Variants in PATJ observed in about 807,000 individuals in gnomAD.
The protein encoded by PATJ is PATJ crumbs cell polarity complex component.
In PATJ, 190 loss-of-function variants were observed where a neutral mutation model predicts 224.9. That is an observed-to-expected ratio of 0.84 (90% CI 0.75 to 0.95). PATJ has a LOEUF of 0.95. PATJ is among the 40% of genes least tolerant of loss of function. The pLI is 0.00. For synonymous variants in PATJ, 769 were observed against 820.3 expected (o/e 0.94, Z 1.07); for missense variants, 2,121 against 2,270.3 (o/e 0.93, Z 1.34).
chr1:61,867,157 A>C (rs1263002248), intron 20 of PATJ, among the ~76,000 whole-genome samples: 1 of 152,202 alleles, frequency 6.6e-6, no homozygotes, highest in Non-Finnish European at 1.5e-5. Flanking sequence ...CTGGAAATGC[A>C]GCCCAGTAGG....
intron 31 of PATJ, among the ~76,000 whole-genome samples, chr1:62,075,358 G>A (rs1330784792): frequency 6.6e-6 from 1 of 152,132 alleles, no homozygotes; most frequent in Non-Finnish European, 1.5e-5. Context: ...GTTCTAAAAG[G>A]ACATAAAAGC....
chr1:61,997,992 ATATATAATATATTATATATATTAAT>A (rs1474306197), intron 28 of PATJ, among the ~76,000 whole-genome samples: 1 of 106,794 alleles, frequency 9.4e-6, no homozygotes, highest in East Asian at 2.2e-4. Flanking sequence ...TTATATATGT[ATATATAATATATTATATATATTAAT>A]TATATATAAT....
chr1:62,160,998 G>A lies in PATJ; in HGVS notation c.5593G>A (p.Ala1865Thr), dbSNP rs952176326. Reference sequence around the variant, plus strand: ...CCTGGAAGGTGTTACTCATGAGCAAGCAGTCGCCATTCTAAAACACCAGAG... The same window carrying A: ...CCTGGAAGGTGTTACTCATGAGCAAACAGTCGCCATTCTAAAACACCAGAG... ...ETLEGVTHEQAVAILKHQRGT... is the reference protein window; with the variant it reads ...ETLEGVTHEQTVAILKHQRGT... Residue 1865 changes from alanine (A) to threonine (T), a missense_variant, in exon 44 of 44, where the codon GCA (alanine) becomes ACA (threonine). Coordinates refer to ENST00000642238, the MANE Select transcript of PATJ (RefSeq NM_001350145.3). The A allele has an allele frequency of 3.9e-5, 62 of 1,610,276 alleles. No individual in the cohort carries two copies. The highest frequency in any genetic ancestry group is 2.0e-4 in the Admixed American group (12 of 59,202).
At chr1:61,964,898 G>A (rs1431436041) in intron 27 of PATJ, among the ~76,000 whole-genome samples, 2 of 151,562 alleles carry the variant, frequency 1.3e-5, no homozygotes, top group Non-Finnish European at 2.9e-5. Context: ...GAACACATGG[G>A]GTCAGGAGTT....
chr1:62,120,580 G>A (rs542914483), intron 37 of PATJ, among the ~76,000 whole-genome samples: 1 of 152,160 alleles, frequency 6.6e-6, no homozygotes, highest in African/African-American at 2.4e-5. Context: ...ATGAATAAAG[G>A]GACAGGTAAT....
At position 61,781,537 on chromosome 1, in the gene PATJ, C is replaced by G. The variant is rs541460024; in HGVS notation, c.849+6203C>G. 3.3e-5 allele frequency among the ~76,000 whole-genome samples: 5 copies of G among 152,354 alleles called. 1 individual carries two copies. The highest frequency in any genetic ancestry group is 1.2e-4 in the African/African-American group (5 of 41,584). On this transcript the variant is annotated intron_variant, in intron 7 of 43. Coordinates refer to ENST00000642238, the MANE Select transcript of PATJ (RefSeq NM_001350145.3). The stretch of plus-strand genomic sequence containing the variant: ...GCACAAGATGTGGTATACACCCTCC[C>G]TATTATCTACCTTTGGAGAAATTCT...
rs1674117557 is a variant in PATJ at position 61,920,428 on chromosome 1, C to T, written c.3570+5764C>T. Among the ~76,000 whole-genome samples the T allele has an allele frequency of 3.9e-5, 6 of 152,140 alleles. No individual in the cohort carries two copies. In the South Asian group the frequency reaches 1.2e-3, roughly 32 times the overall value. The stretch of plus-strand genomic sequence containing the variant: ...CTCTCTCTTTGCCTGCCACCATCCA[C>T]ATAAGAGGTGACTTGCTCCTCCTTG... On this transcript the variant is annotated intron_variant, in intron 26 of 43. Transcript: ENST00000642238.
chr1:61,824,247 T>G (rs75646213), intron 15 of PATJ, among the ~76,000 whole-genome samples: 1 of 134,248 alleles, frequency 7.4e-6, no homozygotes, highest in Non-Finnish European at 1.6e-5. Flanking sequence ...TTTTTTTTTT[T>G]CGAGACGGGG....
chr1:61,918,978 A>T (rs1673876625), intron 26 of PATJ, among the ~76,000 whole-genome samples: 2 of 152,176 alleles, frequency 1.3e-5, no homozygotes, highest in South Asian at 2.1e-4. Context: ...TTAAAAAGTA[A>T]AAAATAAAAT....
intron 1 of PATJ, among the ~76,000 whole-genome samples, chr1:61,762,226 A>G (rs1459953891): frequency 6.6e-6 from 1 of 152,184 alleles, no homozygotes; most frequent in Non-Finnish European, 1.5e-5. Context: ...CTATAATTGT[A>G]GATTAGTTTT....
intron 16 of PATJ, among the ~76,000 whole-genome samples, chr1:61,832,466 G>A (rs1453534267): frequency 6.6e-6 from 1 of 152,060 alleles, no homozygotes; most frequent in Non-Finnish European, 1.5e-5. Flanking sequence ...AAAATTATGT[G>A]TGTAGAGATG....
Position 61,833,652 on chromosome 1 carries a change from A to T in PATJ, c.1981-2A>T, listed in dbSNP as rs1659705441. On this transcript the variant is annotated splice_acceptor_variant, in intron 16 of 43. Coordinates refer to ENST00000642238, the MANE Select transcript of PATJ (RefSeq NM_001350145.3). LOFTEE classifies it high-confidence loss of function. ...AAGCATTTATCTTCTTTGGTATTTC[A>T]GGTTGACCACAATATGGATGTCAAT... 6.2e-7 allele frequency: 1 copy of T among 1,604,334 alleles called. No individual in the cohort carries two copies.
intron 17 of PATJ, among the ~76,000 whole-genome samples, chr1:61,836,819 G>A (rs901866692): frequency 6.6e-6 from 1 of 152,210 alleles, no homozygotes; most frequent in Admixed American, 6.5e-5. Context: ...TGTCCTGTAT[G>A]AATTTATTAG....
At chr1:61,857,473 G>A (rs1213384754) in intron 18 of PATJ, among the ~76,000 whole-genome samples, 3 of 152,164 alleles carry the variant, frequency 2.0e-5, no homozygotes, top group Non-Finnish European at 4.4e-5. Flanking sequence ...TGTGCTCTTA[G>A]CCACAGTGCT....
intron 7 of PATJ, among the ~76,000 whole-genome samples, chr1:61,782,603 G>A (rs1402269129): frequency 1.3e-5 from 2 of 152,172 alleles, no homozygotes; most frequent in East Asian, 1.9e-4. Flanking sequence ...AGAAACATTT[G>A]TTGAGATCTA....
At position 62,108,489 on chromosome 1, in the gene PATJ, G is replaced by A. The variant is rs1278677578; in HGVS notation, c.4430G>A (p.Gly1477Glu). ...VYEEGAAARD[G>E]RLWAGDQILE... The stretch of plus-strand genomic sequence containing the variant: ...GAAGAAGGGGCAGCAGCCAGAGATG[G>A]AAGACTTTGGGCTGGTGACCAGATA... The change falls in exon 34 of 44, where the codon GGA becomes GAA. Residue 1477 changes from glycine (G) to glutamate (E), a missense_variant. Gly to Glu is a moderately conservative substitution (Grantham distance 98, BLOSUM62 -2). Transcript: ENST00000642238. The A allele has an allele frequency of 3.1e-6, 5 of 1,609,806 alleles. No individual in the cohort carries two copies. Among genetic ancestry groups the A allele is most frequent in the Non-Finnish European group, 4.2e-6 (5 of 1,176,804 alleles).
intron 17 of PATJ, among the ~76,000 whole-genome samples, chr1:61,851,185 C>G (rs988550789): frequency 4.6e-5 from 7 of 152,122 alleles, no homozygotes; most frequent in Admixed American, 2.0e-4. Flanking sequence ...GAAAATGCAA[C>G]AAGCTGTGGA....
intron 11 of PATJ, among the ~76,000 whole-genome samples, chr1:61,799,900 A>G (rs1363740067): frequency 6.6e-6 from 1 of 152,196 alleles, no homozygotes; most frequent in East Asian, 1.9e-4. Flanking sequence ...CATTCTTTTT[A>G]TGCCTGTATA....
At chr1:61,810,226 T>A (rs61770137) in intron 14 of PATJ, among the ~76,000 whole-genome samples, 2 of 151,896 alleles carry the variant, frequency 1.3e-5, no homozygotes, top group Non-Finnish European at 2.9e-5. Context: ...GTCACTTCAT[T>A]GTTGTGACTG....
Sources: allele counts gnomAD v4.1 joint callset (sites outside exome capture counted in the v4.1 genomes callset), GRCh38; gene constraint gnomAD v4.1.1; transcripts MANE v1.5; gene names NCBI Gene and HGNC (gene_info 2026-07-23, HGNC 2026-07-21).